The following RIF1 variants were observed in gnomAD, a reference collection of about 807,000 sequenced individuals.
RIF1 encodes replication timing regulatory factor 1, also known as telomere-associated protein RIF1.
A neutral mutation model predicts 247.1 loss-of-function variants in RIF1; 45 were observed. The observed-to-expected ratio is 0.18, with a 90% CI of 0.14 to 0.23. RIF1 has a LOEUF of 0.23. Among genes scored for constraint, RIF1 ranks in the 10% least tolerant of loss-of-function variants. The pLI is 1.00. For missense variants in RIF1, 2,967 were observed against 2,862.5 expected (o/e 1.04, Z -0.83); for synonymous variants, 1,087 against 978.8 (o/e 1.11, Z -2.06).
chr2:151,472,475 T>A (rs2048614329), intron 34 of RIF1, among the ~76,000 whole-genome samples: 1 of 152,214 alleles, frequency 6.6e-6, no homozygotes, highest in African/African-American at 2.4e-5. Flanking sequence ...GCTTTCAGTT[T>A]TTGCCCATTC....
At chr2:151,488,663 T>G (rs958568809) in intron 9 of RIF1, among the ~76,000 whole-genome samples, 1 of 151,754 alleles carries the variant, frequency 6.6e-6, no homozygotes, top group Non-Finnish European at 1.5e-5. Context: ...AAAAAAAAAG[T>G]ATTCTGTATT....
At chr2:151,532,183 A>C in the RIF1 span, 2 of 244,582 alleles carry the variant, frequency 8.2e-6, no homozygotes, top group Non-Finnish European at 7.9e-6. Flanking sequence ...TGCAACCTCC[A>C]CCTCCCAGAT....
intron 12 of RIF1, chr2:151,505,854 A>G (rs2068446747): frequency 1.9e-6 from 1 of 533,996 alleles, no homozygotes; most frequent in Non-Finnish European, 3.3e-6. Context: ...CTTTATGCCC[A>G]GCAGGTCGTT....
the RIF1 span, chr2:151,524,652 GGCTTTT>G: frequency 1.9e-6 from 1 of 537,978 alleles, no homozygotes; most frequent in African/African-American, 2.3e-5. Context: ...TCAAGAGAGA[GGCTTTT>G]TTTTTTTTTT....
chr2:151,482,116 T>C lies in RIF1; in HGVS notation c.*7045T>C, dbSNP rs1234212642. 1 of 152,220 alleles carries C rather than the reference T, an allele frequency of 6.6e-6. No homozygotes were observed. Among genetic ancestry groups the C allele is most frequent in the Non-Finnish European group, 1.5e-5 (1 of 68,042 alleles). The allele number at this position is 152,220 out of a possible 1,614,324, so 9.4% of individuals were successfully genotyped here. A position where few individuals can be genotyped will look rare whatever the true frequency, so the allele number is the denominator to read the frequency against. ...ATCACTTGCCAATGGAAACTGGATA[T>C]TGAAACATTTTTTTAAGAAATGCAC... is the stretch of plus-strand genomic sequence containing the variant. On this transcript the variant is annotated 3_prime_UTR_variant, in exon 36 of 36. Coordinates refer to ENST00000444746, the MANE Select transcript of RIF1 (RefSeq NM_018151.5).
At chr2:151,496,947 A>C (rs750421861) in intron 10 of RIF1, 1 of 1,573,736 alleles carries the variant, frequency 6.4e-7, no homozygotes, top group African/African-American at 1.3e-5. Flanking sequence ...GTACCGAGCT[A>C]ATATTTTCTT....
chr2:151,499,131 T>G (rs904619170), intron 10 of RIF1, among the ~76,000 whole-genome samples: 1 of 152,138 alleles, frequency 6.6e-6, no homozygotes, highest in African/African-American at 2.4e-5. Flanking sequence ...ATATTAATGT[T>G]TTACCAAAAT....
chr2:151,495,345 T>C (rs1231407544), intron 10 of RIF1: 1 of 152,178 alleles, frequency 6.6e-6, no homozygotes, highest in African/African-American at 2.4e-5. Flanking sequence ...TGAGAACTTG[T>C]TAAAAATGCA....
chr2:151,515,743 T>A, the RIF1 span, among the ~76,000 whole-genome samples: 1 of 152,236 alleles, frequency 6.6e-6, no homozygotes, highest in Non-Finnish European at 1.5e-5. Context: ...AAGAAACTCC[T>A]ATAGATCCTT....
chr2:151,439,667 C>CA (rs34523432), intron 14 of RIF1, among the ~76,000 whole-genome samples: 14,553 of 109,818 alleles, frequency 0.13, 1,693 homozygotes, highest in African/African-American at 0.32. Context: ...GAAACTCCAT[C>CA]AAAAAAAAAA....
chr2:151,423,152 C>T (rs1688454054), intron 8 of RIF1, 110 bp downstream of exon 8: 1 of 642,954 alleles, frequency 1.6e-6, no homozygotes. Context: ...ACAGCTGATG[C>T]TCATTATTTC....
chr2:151,522,237 G>T, the RIF1 span, among the ~76,000 whole-genome samples: 2 of 151,990 alleles, frequency 1.3e-5, no homozygotes, highest in South Asian at 4.2e-4. Context: ...ATGTATACTG[G>T]TGCTTCTAAA....
chr2:151,410,363 G>T, intron 1 of RIF1, 51 bp from the exon 2 acceptor site: 2 of 1,471,090 alleles, frequency 1.4e-6, no homozygotes, highest in East Asian at 2.3e-5. Flanking sequence ...GCCGCCGCGG[G>T]GCTGTTTCCA....
At chr2:151,526,929 T>A in the RIF1 span, 1 of 1,591,572 alleles carries the variant, frequency 6.3e-7, no homozygotes, top group African/African-American at 1.3e-5. Context: ...TCACTTTCTA[T>A]TAAAGTATTC....
chr2:151,508,291 C>T (rs1217723312), downstream of RIF1, among the ~76,000 whole-genome samples: 4 of 152,176 alleles, frequency 2.6e-5, no homozygotes, highest in African/African-American at 9.7e-5. Context: ...AGAAAGAGCA[C>T]CATACTTTTT....
At chr2:151,512,753 C>G, downstream of RIF1, 1 of 1,613,690 alleles carries the variant, frequency 6.2e-7, no homozygotes, top group Non-Finnish European at 8.5e-7. Context: ...AGATTCTTGA[C>G]TTGTTGGGCA....
Position 151,440,119 on chromosome 2 carries a change from A to G in RIF1, c.1639A>G (p.Lys547Glu), listed in dbSNP as rs150918498. The G allele has an allele frequency of 1.3e-4, 195 of 1,544,062 alleles. No homozygotes were observed. Among genetic ancestry groups the G allele is most frequent in the Non-Finnish European group, 1.7e-4 (189 of 1,125,466 alleles). Residue 547 changes from lysine to glutamate, a missense_variant, in exon 15 of 36, where the codon AAA becomes GAA. Around this residue, in one of 7 missense-constraint regions of RIF1, gnomAD observed 369 missense variants for 322.0 expected, o/e 1.15. Coordinates refer to ENST00000444746, the MANE Select transcript of RIF1 (RefSeq NM_018151.5). ...AAAGTCTGAAGTATTTCCTGTATCA[A>G]AAACGCTGGTAAGTATAATACCCGT... ...IVKSEVFPVSKTLVLMEITIK... is the reference protein window; with the variant it reads ...IVKSEVFPVSETLVLMEITIK...
At chr2:151,427,803 G>A (rs749591937) in intron 8 of RIF1, among the ~76,000 whole-genome samples, 2 of 151,694 alleles carry the variant, frequency 1.3e-5, no homozygotes, top group Non-Finnish European at 2.9e-5. Context: ...GGTGGCTCAC[G>A]CCTGTAATCC....
rs369042477 is a variant in RIF1 at position 151,497,281 on chromosome 2, A to G, written c.*513+1955A>G. On this transcript the variant is annotated intron_variant and NMD_transcript_variant, in intron 10 of 13. Transcript: ENST00000454583. ...AAAGGCTGTCAGAGTTATCCATGTT[A>G]TTTTTTTTTTTCCTTTTTTGTGAGT... 3.7e-5 allele frequency: 28 copies of G among 752,576 alleles called. No homozygotes were observed. In the East Asian group the frequency reaches 2.7e-3, roughly 73 times the overall value. 46.6% of individuals were successfully genotyped at this position (752,576 alleles called of 1,614,324 possible).
Sources: allele counts gnomAD v4.1 joint callset (sites outside exome capture counted in the v4.1 genomes callset), GRCh38; gene constraint gnomAD v4.1.1; regional missense constraint gnomAD v4.1.1; transcripts MANE v1.5; gene names NCBI Gene and HGNC (gene_info 2026-07-23, HGNC 2026-07-21).